Variants in RAB9B observed in about 807,000 individuals in gnomAD.
The protein encoded by RAB9B is ras-related protein Rab-9B.
Under a neutral mutation model 8.9 loss-of-function variants are expected in RAB9B, and 1 was observed. The ratio of observed to expected loss-of-function variants is 0.11; its 90% CI spans 0.04 to 0.53. The LOEUF is 0.53. Ranked by LOEUF, RAB9B falls within the 20% of genes least tolerant of loss-of-function variation. The pLI is 0.93. For synonymous variants in RAB9B, 63 were observed against 57.0 expected, an observed-to-expected ratio of 1.10 and a Z score of -0.47; for missense variants, 82 against 152.9, an observed-to-expected ratio of 0.54 and a Z score of 2.45.
chrX:103,810,969 G>A, the RAB9B span, among the ~76,000 whole-genome samples: 2 of 111,876 alleles, frequency 1.8e-5, no homozygotes, highest in African/African-American at 6.5e-5. Flanking sequence ...ATCATGTCCA[G>A]GAGGGAAAGA....
intron 1 of RAB9B, 113 bp downstream of exon 1, chrX:103,831,947 C>G (rs1224003264): frequency 4.5e-5 from 5 of 111,759 alleles, no homozygotes; most frequent in African/African-American, 1.6e-4. Flanking sequence ...ACGAGTGGTC[C>G]TGGGGATCAA....
the RAB9B span, among the ~76,000 whole-genome samples, chrX:103,805,488 G>C: frequency 9.0e-6 from 1 of 111,397 alleles, no homozygotes; most frequent in East Asian, 2.8e-4. Context: ...TTGGTATCAG[G>C]AGAGTAATGG....
At chrX:103,787,706 T>A in the RAB9B span, 1 of 772,411 alleles carries the variant, frequency 1.3e-6, no homozygotes, top group Admixed American at 2.2e-5. Context: ...GGTTTTAATG[T>A]CTGGCACACG....
At chrX:103,785,866 T>G in the RAB9B span, 3 of 833,923 alleles carry the variant, frequency 3.6e-6, no homozygotes. Context: ...AGCAGGGGAC[T>G]GGGGTGGAGC....
the RAB9B span, chrX:103,787,856 C>G: frequency 1.7e-6 from 2 of 1,207,728 alleles, no homozygotes; most frequent in South Asian, 3.5e-5. Flanking sequence ...GCCTGCTCTG[C>G]TGTGCCTGTG....
At chrX:103,809,992 T>C in the RAB9B span, among the ~76,000 whole-genome samples, 1 of 111,449 alleles carries the variant, frequency 9.0e-6, no homozygotes, top group Admixed American at 9.5e-5. Context: ...TGCTGTAGGG[T>C]GCACAGTAGG....
At chrX:103,795,558 A>G in the RAB9B span, among the ~76,000 whole-genome samples, 1 of 112,200 alleles carries the variant, frequency 8.9e-6, no homozygotes, top group East Asian at 2.8e-4. Context: ...TGATGAATTC[A>G]CATGTAGACC....
the RAB9B span, among the ~76,000 whole-genome samples, chrX:103,807,039 T>C: frequency 8.9e-6 from 1 of 112,175 alleles, no homozygotes; most frequent in Non-Finnish European, 1.9e-5. Context: ...ATCTTCCACA[T>C]GCCAGGACAT....
Position 103,824,065 on chromosome X carries a change from C to A in RAB9B, c.*1114G>T, listed in dbSNP as rs2074673614. 8.9e-6 allele frequency: 1 copy of A among 112,263 alleles called. No individual in the cohort carries two copies. The highest frequency in any genetic ancestry group is 3.7e-4 in the South Asian group (1 of 2,706). The allele number at this position is 112,263 out of a possible 1,213,427, so 9.3% of individuals were successfully genotyped here. On this transcript the variant is annotated 3_prime_UTR_variant, in exon 3 of 3. Transcript: ENST00000243298. ...AATATTTTCAGAGGCAGGGAGCTCA[C>A]TATTAAGGCAGTCCATTCCACTGTT...
At chrX:103,786,541 G>A in the RAB9B span, 2 of 1,211,276 alleles carry the variant, frequency 1.7e-6, no homozygotes, top group Admixed American at 4.3e-5. Context: ...GCTGGCTGAG[G>A]GCTTCTACAC....
the RAB9B span, among the ~76,000 whole-genome samples, chrX:103,801,200 T>C: frequency 9.0e-6 from 1 of 110,817 alleles, no homozygotes; most frequent in South Asian, 3.9e-4. Context: ...CTCCACAGTG[T>C]TCCAGCACCC....
the RAB9B span, chrX:103,788,105 C>A: frequency 7.1e-6 from 4 of 564,242 alleles, no homozygotes; most frequent in Non-Finnish European, 1.2e-5. Context: ...GTTTATTAAT[C>A]CTTCCCTACT....
chrX:103,819,675 A>G (rs2074652318), downstream of RAB9B, among the ~76,000 whole-genome samples: 1 of 112,193 alleles, frequency 8.9e-6, no homozygotes, highest in Non-Finnish European at 1.9e-5. Flanking sequence ...GTAAGAAGGC[A>G]TTTAATAATT....
chrX:103,810,319 G>A, the RAB9B span, among the ~76,000 whole-genome samples: 1 of 111,648 alleles, frequency 9.0e-6, no homozygotes, highest in African/African-American at 3.3e-5. Flanking sequence ...TTTGAGGTCT[G>A]GATGCCTGTT....
chrX:103,830,544 C>T (rs544708), intron 1 of RAB9B, among the ~76,000 whole-genome samples: 5,713 of 111,429 alleles, frequency 0.051, 354 homozygotes, highest in African/African-American at 0.18. Flanking sequence ...ATTCGAGAGA[C>T]GCAATTCCCC....
the RAB9B span, among the ~76,000 whole-genome samples, chrX:103,805,144 A>G: frequency 8.9e-6 from 1 of 112,102 alleles, no homozygotes; most frequent in African/African-American, 3.2e-5. Flanking sequence ...CAGATTTTTC[A>G]TAAGTGCCCT....
chrX:103,814,652 GT>G, the RAB9B span, among the ~76,000 whole-genome samples: 1 of 111,301 alleles, frequency 9.0e-6, no homozygotes. Context: ...TCCAGGAGGT[GT>G]TTTTTTGAAA....
rs929767459 is a variant in RAB9B at position 103,823,245 on chromosome X, G to C, written c.*1934C>G. ...ATGATCACAGAACTTGGAAACCAGT[G>C]TGGCTGGCTATAGGCATAGGCAGGA... On this transcript the variant is annotated 3_prime_UTR_variant, in exon 3 of 3. Coordinates refer to ENST00000243298, the MANE Select transcript of RAB9B (RefSeq NM_016370.4). 5 of 111,915 alleles carry C rather than the reference G, an allele frequency of 4.5e-5. No individual in the cohort carries two copies. Among genetic ancestry groups the C allele is most frequent in the Non-Finnish European group, 9.4e-5 (5 of 53,225 alleles). 9.2% of individuals were successfully genotyped at this position (111,915 alleles called of 1,213,427 possible).
In RAB9B at chrX:103,823,109, A is replaced by G. The variant is rs1263898464; in HGVS notation, c.*2070T>C. The G allele has an allele frequency of 9.0e-6, 1 of 111,541 alleles. No individual in the cohort carries two copies. The highest frequency in any genetic ancestry group is 1.9e-5 in the Non-Finnish European group (1 of 53,098). The allele number at this position is 111,541 out of a possible 1,213,427, so 9.2% of individuals were successfully genotyped here. A position where few individuals can be genotyped will look rare whatever the true frequency, so the allele number is the denominator to read the frequency against. Reference sequence around the variant, plus strand: ...CTGAGATCTACAAATAGAAACTAGTATAAGCAGAGTGCAAGTAGAAAGAGA... The same window carrying G: ...CTGAGATCTACAAATAGAAACTAGTGTAAGCAGAGTGCAAGTAGAAAGAGA... On this transcript the variant is annotated 3_prime_UTR_variant, in exon 3 of 3. Transcript: ENST00000243298.
Sources: gnomAD v4.1 joint callset for allele counts (sites outside exome capture counted in the v4.1 genomes callset) on GRCh38, gnomAD v4.1.1 for gene constraint, MANE v1.5 for transcripts, NCBI Gene and HGNC (gene_info 2026-07-23, HGNC 2026-07-21) for gene names.